The following GATAD2A variants were observed in gnomAD, a reference collection of about 807,000 sequenced individuals.
GATAD2A encodes GATA zinc finger domain containing 2A, also known as transcriptional repressor p66-alpha.
A neutral mutation model predicts 68.5 loss-of-function variants in GATAD2A; 12 were observed. That is an observed-to-expected ratio of 0.18 (90% CI 0.11 to 0.28). The LOEUF is 0.28. Ranked by LOEUF, GATAD2A falls within the 10% of genes least tolerant of loss-of-function variation. The probability of loss-of-function intolerance (pLI) is 1.00; values close to 1 mark genes in which losing one functional copy is unlikely to be tolerated. For synonymous variants in GATAD2A, 410 were observed against 375.3 expected (o/e 1.09, Z -1.07); for missense variants, 755 against 868.5 (o/e 0.87, Z 1.64).
rs939992988 is a variant in GATAD2A, at chr19:19,508,533, G to A, written c.*3059G>A. The A allele has an allele frequency of 1.3e-5, 2 of 152,238 alleles. No homozygotes were observed. The highest frequency in any genetic ancestry group is 2.4e-5 in the African/African-American group (1 of 41,458). 9.4% of individuals were successfully genotyped at this position (152,238 alleles called of 1,614,324 possible). On this transcript the variant is annotated 3_prime_UTR_variant, in exon 12 of 12. Coordinates refer to ENST00000683918, the MANE Select transcript of GATAD2A (RefSeq NM_001384528.1). ...TGCTCTCCTATTGGACGTAGAGGCA[G>A]GGGAGAGACTTCTCTATACAAATAT...
In GATAD2A at chr19:19,492,605, A is replaced by G; in HGVS notation, c.427A>G (p.Arg143Gly). Residue 143 changes from arginine to glycine, a missense_variant, in exon 4 of 12, where the codon AGG becomes GGG. Physicochemically the swap from Arg to Gly is moderately radical, Grantham distance 125. Transcript: ENST00000683918. ...LMKSSPEERE[R>G]MIKQLKEELR... ...GAAAAGCAGTCCTGAAGAACGAGAA[A>G]GGATGATCAAGCAGCTGAAGGAAGA... 3.7e-6 allele frequency: 6 copies of G among 1,614,214 alleles called. No individual in the cohort carries two copies. Among genetic ancestry groups the G allele is most frequent in the Non-Finnish European group, 5.1e-6 (6 of 1,180,034 alleles).
At chr19:19,454,455 T>C (rs1324025431) in intron 1 of GATAD2A, among the ~76,000 whole-genome samples, 1 of 151,772 alleles carries the variant, frequency 6.6e-6, no homozygotes, top group Non-Finnish European at 1.5e-5. Context: ...AAAAATTAGC[T>C]GGGTGTGTTG....
At chr19:19,433,575 C>G (rs2053982552) in intron 1 of GATAD2A, among the ~76,000 whole-genome samples, 1 of 152,118 alleles carries the variant, frequency 6.6e-6, no homozygotes, top group South Asian at 2.1e-4. Context: ...TCTTCATATA[C>G]TTCAGTTTTC....
intron 2 of GATAD2A, among the ~76,000 whole-genome samples, chr19:19,478,307 T>C (rs1481689528): frequency 1.3e-5 from 2 of 152,012 alleles, no homozygotes; most frequent in Admixed American, 6.6e-5. Context: ...TGTTAGAAAA[T>C]TTGAAAATAC....
At chr19:19,471,415 C>T (rs2058301498) in intron 2 of GATAD2A, among the ~76,000 whole-genome samples, 1 of 152,020 alleles carries the variant, frequency 6.6e-6, no homozygotes, top group African/African-American at 2.4e-5. Context: ...ACAGCAGATG[C>T]AGGGACTACT....
At chr19:19,403,099 T>C (rs1325754013), upstream of GATAD2A, among the ~76,000 whole-genome samples, 2 of 152,134 alleles carry the variant, frequency 1.3e-5, no homozygotes, top group East Asian at 1.9e-4. Context: ...TGTCTTTGTT[T>C]TCAGATCAGA....
chr19:19,460,254 C>T (rs1465597277), intron 1 of GATAD2A, among the ~76,000 whole-genome samples: 4 of 152,198 alleles, frequency 2.6e-5, no homozygotes, highest in Non-Finnish European at 4.4e-5. Flanking sequence ...GGAGAGTAGA[C>T]AGGGGTTCTG....
At chr19:19,457,682 A>G (rs1568304130) in intron 1 of GATAD2A, among the ~76,000 whole-genome samples, 1 of 151,592 alleles carries the variant, frequency 6.6e-6, no homozygotes, top group Non-Finnish European at 1.5e-5. Flanking sequence ...CGGAGCTTGC[A>G]GTGAGCCGAG....
At chr19:19,481,491 C>T (rs1042588950) in intron 2 of GATAD2A, among the ~76,000 whole-genome samples, 1 of 152,112 alleles carries the variant, frequency 6.6e-6, no homozygotes, top group Non-Finnish European at 1.5e-5. Flanking sequence ...CCACCATGCC[C>T]AGCTTTTTAA....
At chr19:19,431,331 C>T (rs972786425) in intron 1 of GATAD2A, among the ~76,000 whole-genome samples, 10 of 150,946 alleles carry the variant, frequency 6.6e-5, no homozygotes, top group Non-Finnish European at 1.3e-4. Context: ...TGCAGGGCTC[C>T]TGCAGTGGGC....
intron 2 of GATAD2A, chr19:19,472,603 G>A (rs554636259): frequency 6.6e-6 from 1 of 151,954 alleles, no homozygotes; most frequent in Admixed American, 6.5e-5. Context: ...GAAAGTGCTG[G>A]GATTACAAGT....
intron 2 of GATAD2A, among the ~76,000 whole-genome samples, chr19:19,470,165 T>A (rs1414093628): frequency 6.7e-6 from 1 of 149,616 alleles, no homozygotes; most frequent in Non-Finnish European, 1.5e-5. Context: ...GTTTTTTTTT[T>A]TTTGAGACAG....
intron 1 of GATAD2A, among the ~76,000 whole-genome samples, chr19:19,414,903 G>A (rs2916072): frequency 0.15 from 21,028 of 143,130 alleles, 1,759 homozygotes; most frequent in Middle Eastern, 0.24. Flanking sequence ...TGAGGATGGG[G>A]CAGGACATGG....
At chr19:19,482,374 A>G (rs969225328) in intron 2 of GATAD2A, among the ~76,000 whole-genome samples, 2 of 152,220 alleles carry the variant, frequency 1.3e-5, no homozygotes, top group Non-Finnish European at 2.9e-5. Flanking sequence ...ACTGCACTCC[A>G]TCCTGGGCAA....
At chr19:19,394,600 C>T (rs1333066930) in intron 1 of GATAD2A, among the ~76,000 whole-genome samples, 3 of 152,146 alleles carry the variant, frequency 2.0e-5, no homozygotes, top group Non-Finnish European at 4.4e-5. Context: ...CGGCATGCTG[C>T]CATGCCTGGC....
chr19:19,430,891 G>T (rs905517345), intron 1 of GATAD2A, among the ~76,000 whole-genome samples: 1 of 151,986 alleles, frequency 6.6e-6, no homozygotes, highest in Non-Finnish European at 1.5e-5. Context: ...TTGATTTCAT[G>T]TAAATTGCCA....
At chr19:19,494,256 G>T in intron 4 of GATAD2A, 38 bp from the exon 5 acceptor site, 1 of 1,235,000 alleles carries the variant, frequency 8.1e-7, no homozygotes, top group East Asian at 2.4e-5. Context: ...GGACCGGCCC[G>T]GTGGCCCCTC....
chr19:19,495,532 C>T (rs959495735), intron 5 of GATAD2A, among the ~76,000 whole-genome samples: 1 of 151,236 alleles, frequency 6.6e-6, no homozygotes, highest in African/African-American at 2.4e-5. Flanking sequence ...TGGTCTCAAA[C>T]TTCTGACCTC....
chr19:19,395,271 A>G (rs2049142276), intron 1 of GATAD2A, among the ~76,000 whole-genome samples: 1 of 152,124 alleles, frequency 6.6e-6, no homozygotes, highest in Non-Finnish European at 1.5e-5. Flanking sequence ...CCTGGCCAAC[A>G]TGGCGAAACC....
Sources: gnomAD v4.1 joint callset for allele counts (sites outside exome capture counted in the v4.1 genomes callset) on GRCh38, gnomAD v4.1.1 for gene constraint, MANE v1.5 for transcripts, NCBI Gene and HGNC (gene_info 2026-07-23, HGNC 2026-07-21) for gene names.